ECSIT: variants seen among roughly 807,000 people sequenced by gnomAD.
ECSIT encodes ECSIT signaling integrator.
Under a neutral mutation model 36.8 loss-of-function variants are expected in ECSIT, and 29 were observed. The ratio of observed to expected loss-of-function variants is 0.79; its 90% CI spans 0.59 to 1.08. ECSIT has a LOEUF of 1.08. Among genes scored for constraint, ECSIT ranks in the 50% least tolerant of loss-of-function variants. The pLI is 0.00. For synonymous variants in ECSIT, 231 were observed against 234.8 expected, an observed-to-expected ratio of 0.98 and a Z score of 0.15; for missense variants, 542 against 581.0, an observed-to-expected ratio of 0.93 and a Z score of 0.69.
chr19:11,518,917 C>T (rs886611726), intron 2 of ECSIT, among the ~76,000 whole-genome samples, 158 bp downstream of exon 2: 2 of 152,100 alleles, frequency 1.3e-5, no homozygotes, highest in Admixed American at 6.6e-5. Context: ...CATAAACATA[C>T]ATACATACAT....
rs1972050384 is a variant in ECSIT at position 11,519,020 on chromosome 19, A to G, written c.96+55T>C. On this transcript the variant is annotated intron_variant, in intron 2 of 7. Transcript: ENST00000270517. This position sits in a 1 kb window ranked among gnomAD's most constrained non-coding sequence, Gnocchi z 4.4. ...CAGAGTGGATTCTGAAGGAGTTGGG[A>G]GCAAATCCCAAGCTTACCTCCCTCT... is the stretch of plus-strand genomic sequence containing the variant. 6.9e-7 allele frequency: 1 copy of G among 1,452,828 alleles called. No homozygotes were observed. The highest frequency in any genetic ancestry group is 9.5e-7 in the Non-Finnish European group (1 of 1,056,820). 90.0% of individuals were successfully genotyped at this position (1,452,828 alleles called of 1,614,324 possible).
At chr19:11,527,253 T>C (rs180922860) in intron 1 of ECSIT, among the ~76,000 whole-genome samples, 7 of 152,038 alleles carry the variant, frequency 4.6e-5, no homozygotes, top group Admixed American at 4.6e-4. Flanking sequence ...ACCTGGGAGG[T>C]GGAGGTTGCA....
At chr19:11,514,315 C>T in intron 2 of ECSIT, 94 bp from the exon 3 acceptor site, 6 of 1,237,644 alleles carry the variant, frequency 4.8e-6, no homozygotes, top group Non-Finnish European at 5.5e-6. Context: ...TCCCAGTGGC[C>T]TCCCTGAGGA....
chr19:11,525,372 T>A (rs948085798), intron 1 of ECSIT, among the ~76,000 whole-genome samples: 14 of 151,628 alleles, frequency 9.2e-5, no homozygotes, highest in Admixed American at 8.6e-4. Context: ...TAACCAGGCA[T>A]GGTAGTATAC....
chr19:11,524,019 A>G (rs1972161200), intron 1 of ECSIT, among the ~76,000 whole-genome samples: 1 of 151,970 alleles, frequency 6.6e-6, no homozygotes, highest in Non-Finnish European at 1.5e-5. Flanking sequence ...CTCCCAACTC[A>G]AGCAATCCTC....
chr19:11,523,562 G>T, intron 1 of ECSIT: 9 of 1,062,060 alleles, frequency 8.5e-6, no homozygotes, highest in Non-Finnish European at 1.3e-5. Context: ...CAAAGCCTTA[G>T]ACAAGCGCCA....
rs79300987 is a variant in ECSIT at position 11,518,439 on chromosome 19, A to G, written c.96+636T>C. Among the ~76,000 whole-genome samples the G allele has an allele frequency of 2.0e-5, 3 of 151,932 alleles. No individual in the cohort carries two copies. The South Asian group carries it at 6.3e-4, about 32-fold the overall frequency. On this transcript the variant is annotated intron_variant, in intron 2 of 7. Transcript: ENST00000270517. Reference sequence around the variant, plus strand: ...CAAAATTCCATCTAAAAAAAAAAAAATTAGCTGGGCATGGTGGCTCAAATC... The same window carrying G: ...CAAAATTCCATCTAAAAAAAAAAAAGTTAGCTGGGCATGGTGGCTCAAATC...
chr19:11,514,748 C>A (rs1971955367), intron 2 of ECSIT, among the ~76,000 whole-genome samples: 1 of 152,040 alleles, frequency 6.6e-6, no homozygotes, highest in African/African-American at 2.4e-5. Flanking sequence ...GTCTTGAACG[C>A]CTGGCTTCAA....
chr19:11,522,565 T>G, intron 1 of ECSIT: 1 of 616,950 alleles, frequency 1.6e-6, no homozygotes, highest in South Asian at 1.7e-5. Flanking sequence ...AAAAAAAAAA[T>G]TAGCCAGTCA....
At chr19:11,521,012 G>A (rs1181020916) in intron 1 of ECSIT, among the ~76,000 whole-genome samples, 1 of 152,062 alleles carries the variant, frequency 6.6e-6, no homozygotes, top group East Asian at 1.9e-4. Context: ...CACCATGTTG[G>A]CCAGGCTGGT....
chr19:11,513,034 C>G (rs12609928), intron 4 of ECSIT, 22 bp downstream of exon 4: 194,891 of 1,610,528 alleles, frequency 0.12, 25,206 homozygotes, highest in African/African-American at 0.68. Flanking sequence ...TGGCAGCTGA[C>G]GCTGTAGACA....
chr19:11,505,992 A>G lies in ECSIT; in HGVS notation c.*192T>C, dbSNP rs1062958. On this transcript the variant is annotated 3_prime_UTR_variant, in exon 8 of 8. Transcript: ENST00000270517. ...AATTCGGAGAACCAGAGGCGCCTGC[A>G]GATTCTGGAGGGGTCTCGCCTGCCC... The G allele has an allele frequency of 0.058, 60,001 of 1,031,182 alleles. 5,537 individuals are homozygous for G. The highest frequency in any genetic ancestry group is 0.38 in the African/African-American group (23,561 of 61,766). 63.9% of individuals were successfully genotyped at this position (1,031,182 alleles called of 1,614,324 possible).
Position 11,506,148 on chromosome 19 carries a change from C to G in ECSIT, c.*36G>C, listed in dbSNP as rs1347689127. ...TCTCATGCCTTCAGTCCACCGCCTC[C>G]TCGGGCCACAGCCCGTGCCCTCGCG... On this transcript the variant is annotated 3_prime_UTR_variant, in exon 8 of 8. Transcript: ENST00000270517. The G allele has an allele frequency of 1.3e-6, 2 of 1,597,312 alleles. No homozygotes were observed. The highest frequency in any genetic ancestry group is 1.7e-6 in the Non-Finnish European group (2 of 1,177,616).
Position 11,514,001 on chromosome 19 carries a change from T to C in ECSIT, c.317A>G (p.His106Arg), listed in dbSNP as rs776186072. The C allele has an allele frequency of 1.9e-6, 3 of 1,614,244 alleles. No individual in the cohort carries two copies. Among genetic ancestry groups the C allele is most frequent in the South Asian group, 2.2e-5 (2 of 91,082 alleles). ...FAEHSVRKRG[H>R]IDFIYLALRK... ...CAGGGCCAGGTAGATGAAGTCAATG[T>C]GGCCCCGCTTACGCACGCTGTGCTC... The change falls in exon 3 of 8, where the codon CAC (histidine) becomes CGC (arginine). Residue 106 changes from histidine (H) to arginine (R), a missense_variant. By Grantham distance (29) the His-to-Arg change is conservative. Coordinates refer to ENST00000270517, the MANE Select transcript of ECSIT (RefSeq NM_016581.5).
In ECSIT at chr19:11,507,544, C is replaced by T. The variant is rs1971775012; in HGVS notation, c.964G>A (p.Glu322Lys). Residue 322 changes from glutamate (E) to lysine (K), a missense_variant, in exon 7 of 8, where the codon GAG (glutamate) becomes AAG (lysine). Physicochemically the swap from Glu to Lys is moderately conservative, Grantham distance 56. Coordinates refer to ENST00000270517, the MANE Select transcript of ECSIT (RefSeq NM_016581.5). ...ATCGGGTAGTAGAGGTTCCACTCCT[C>T]CGGCGTCTCTTCCACTTCCTACTCC... ...PEEREVEETP[E>K]EWNLYYPMQL... 1 of 1,614,128 alleles carries T rather than the reference C, an allele frequency of 6.2e-7. No homozygotes were observed. The highest frequency in any genetic ancestry group is 8.5e-7 in the Non-Finnish European group (1 of 1,180,022).
At chr19:11,518,829 G>A (rs1464317814) in intron 2 of ECSIT, among the ~76,000 whole-genome samples, 6 of 152,182 alleles carry the variant, frequency 3.9e-5, no homozygotes, top group Admixed American at 3.9e-4. Context: ...AACCTGGGAG[G>A]TCAAGACTAC....
At chr19:11,512,177 T>C (rs535481020) in intron 4 of ECSIT, among the ~76,000 whole-genome samples, 2 of 152,022 alleles carry the variant, frequency 1.3e-5, no homozygotes, top group East Asian at 3.9e-4. Flanking sequence ...GAACCCCATT[T>C]CTACAAGAAA....
Position 11,513,085 on chromosome 19 carries a change from C to G in ECSIT, c.709G>C (p.Asp237His), listed in dbSNP as rs1346584834. 6.2e-7 allele frequency: 1 copy of G among 1,614,192 alleles called. No homozygotes were observed. The highest frequency in any genetic ancestry group is 8.5e-7 in the Non-Finnish European group (1 of 1,180,038). ...AMFGLRHMEP[D>H]LSARVTIYQV... ...TAGATGGTGACCCTGGCACTAAGGT[C>G]AGGCTCCATGTGCCGCAGGCCAAAC... The change falls in exon 4 of 8, where the codon GAC (aspartate) becomes CAC (histidine). Residue 237 changes from aspartate (D) to histidine (H), a missense_variant. Coordinates refer to ENST00000270517, the MANE Select transcript of ECSIT (RefSeq NM_016581.5).
rs1255304041 is a variant in ECSIT, at chr19:11,507,970, C to T, written c.796+21G>A. 19 of 1,613,898 alleles carry T rather than the reference C, an allele frequency of 1.2e-5. No homozygotes were observed. The South Asian group carries it at 1.8e-4, about 15-fold the overall frequency. On this transcript the variant is annotated intron_variant, in intron 5 of 7. Coordinates refer to ENST00000270517, the MANE Select transcript of ECSIT (RefSeq NM_016581.5). Reference sequence around the variant, plus strand: ...CTGGGTAAGGTTAGAGACTTGGCTGCCCCCATGCTCTCGGACTTACCTACG... The same window carrying T: ...CTGGGTAAGGTTAGAGACTTGGCTGTCCCCATGCTCTCGGACTTACCTACG...
Sources: gnomAD v4.1 joint callset for allele counts (sites outside exome capture counted in the v4.1 genomes callset) on GRCh38, gnomAD v4.1.1 for gene constraint, Gnocchi (gnomAD v3.1) non-coding constraint, MANE v1.5 for transcripts, NCBI Gene and HGNC (gene_info 2026-07-23, HGNC 2026-07-21) for gene names.